Variants in KCNQ1 observed in about 807,000 individuals in gnomAD.
KCNQ1 encodes the protein potassium voltage-gated channel subfamily Q member 1, also known as potassium voltage-gated channel subfamily KQT member 1.
KCNQ1 carries 49 observed loss-of-function variants against 72.4 expected under a neutral mutation model. The observed-to-expected ratio is 0.68, with a 90% confidence interval of 0.54 to 0.86. The LOEUF is 0.86. Among genes scored for constraint, KCNQ1 ranks in the 40% least tolerant of loss-of-function variants. KCNQ1 has a pLI of 0.00. For synonymous variants in KCNQ1, 450 were observed against 412.6 expected, an observed-to-expected ratio of 1.09 and a Z score of -1.10; for missense variants, 790 against 945.1, an observed-to-expected ratio of 0.84 and a Z score of 2.15.
chr11:2,499,851 A>G (rs866648229), intron 1 of KCNQ1, among the ~76,000 whole-genome samples: 1 of 152,202 alleles, frequency 6.6e-6, no homozygotes, highest in Non-Finnish European at 1.5e-5. Context: ...TCATCCAGCA[A>G]TTCCAAGAGA....
At chr11:2,721,313 G>A (rs1851198810) in intron 11 of KCNQ1, among the ~76,000 whole-genome samples, 1 of 152,202 alleles carries the variant, frequency 6.6e-6, no homozygotes. Flanking sequence ...GTCTGCTCGT[G>A]AGGGACCCCC....
Position 2,787,471 on chromosome 11 carries a change from C to T in KCNQ1, c.1794+9434C>T, listed in dbSNP as rs1272720771. 6.6e-6 allele frequency among the ~76,000 whole-genome samples: 1 copy of T among 152,184 alleles called. No individual in the cohort carries two copies. The highest frequency in any genetic ancestry group is 6.5e-5 in the Admixed American group (1 of 15,286). On this transcript the variant is annotated intron_variant, in intron 15 of 15. Coordinates refer to ENST00000155840, the MANE Select transcript of KCNQ1 (RefSeq NM_000218.3). The surrounding 1 kb of genome is among the most constrained non-coding windows in gnomAD (Gnocchi z 6.3). ...GGTTCCACTTTCACTGAGTTTTCAG[C>T]CTCTAACCTCCCTTACTTCCTGGTC...
In KCNQ1 at chr11:2,547,752, G is replaced by A. The variant is rs527297046; in HGVS notation, c.477+19734G>A. Among the ~76,000 whole-genome samples the A allele has an allele frequency of 1.3e-5, 2 of 152,268 alleles. No individual in the cohort carries two copies. The highest frequency in any genetic ancestry group is 3.9e-4 in the East Asian group (2 of 5,188). The stretch of plus-strand genomic sequence containing the variant: ...TGGGTGGACTACTGACTACTTCGCG[G>A]GTAAGAAATGGTGAGTGGCATGGAA... On this transcript the variant is annotated intron_variant, in intron 2 of 15. Coordinates refer to ENST00000155840, the MANE Select transcript of KCNQ1 (RefSeq NM_000218.3). This position sits in a 1 kb window ranked among gnomAD's most constrained non-coding sequence, Gnocchi z 4.2.
At chr11:2,797,120 C>T (rs1399401247) in intron 15 of KCNQ1, among the ~76,000 whole-genome samples, 1 of 152,194 alleles carries the variant, frequency 6.6e-6, no homozygotes, top group South Asian at 2.1e-4. Flanking sequence ...TTTACGAGGA[C>T]TCGGCCCAGA....
At position 2,494,042 on chromosome 11, in the gene KCNQ1, C is replaced by T. The variant is rs1273444383; in HGVS notation, c.387-33886C>T. The stretch of plus-strand genomic sequence containing the variant: ...TTTCCTTCAGCAGTGGTTTGTTGTT[C>T]TCCTTGAAGAGGTCCTTCACATCCC... On this transcript the variant is annotated intron_variant, in intron 1 of 15. Transcript: ENST00000155840. This position sits in a 1 kb window ranked among gnomAD's most constrained non-coding sequence, Gnocchi z 4.6. 5.3e-5 allele frequency among the ~76,000 whole-genome samples: 8 copies of T among 151,962 alleles called. No homozygotes were observed. The highest frequency in any genetic ancestry group is 2.1e-4 in the South Asian group (1 of 4,822).
intron 15 of KCNQ1, among the ~76,000 whole-genome samples, chr11:2,839,093 G>GGAAGCTCC (rs1356957300): frequency 1.3e-5 from 2 of 152,140 alleles, no homozygotes; most frequent in Admixed American, 1.3e-4. Flanking sequence ...TCTGCCGGCA[G>GGAAGCTCC]GAAGCTCCTG....
rs190517800 is a variant in KCNQ1, at chr11:2,734,032, C to T, written c.1515-34812C>T. Among the ~76,000 whole-genome samples, 2 of 152,168 alleles carry T rather than the reference C, an allele frequency of 1.3e-5. No homozygotes were observed. Among genetic ancestry groups the T allele is most frequent in the East Asian group, 1.9e-4 (1 of 5,154 alleles). On this transcript the variant is annotated intron_variant, in intron 11 of 15. Transcript: ENST00000155840. The surrounding 1 kb of genome is among the most constrained non-coding windows in gnomAD (Gnocchi z 7.0). Reference sequence around the variant, plus strand: ...GCAGTTGCGCGCTCTAAATCAGGACCACCTTGCGGTTCTCCCAGCCCCAGC... The same window carrying T: ...GCAGTTGCGCGCTCTAAATCAGGACTACCTTGCGGTTCTCCCAGCCCCAGC...
intron 14 of KCNQ1, chr11:2,777,772 G>T (rs990612601): frequency 1.6e-6 from 1 of 635,276 alleles, no homozygotes; most frequent in Non-Finnish European, 2.8e-6. Context: ...ATGGAGCCCA[G>T]GTCCCCAGCT....
rs57811566 is a variant in KCNQ1 at position 2,531,431 on chromosome 11, G to T, written c.477+3413G>T. Among the ~76,000 whole-genome samples, 222 of 152,214 alleles carry T rather than the reference G, an allele frequency of 1.5e-3. 2 individuals are homozygous for T. Among genetic ancestry groups the T allele is most frequent in the African/African-American group, 5.1e-3 (211 of 41,534 alleles). ...CAGACCAGGTAGGGTTGCTCCCTAG[G>T]ATGCAGCCCTGCCCAGGCAGGAGGG... On this transcript the variant is annotated intron_variant, in intron 2 of 15. Transcript: ENST00000155840.
chr11:2,833,745 C>A (rs2134071843), intron 15 of KCNQ1, among the ~76,000 whole-genome samples: 1 of 152,380 alleles, frequency 6.6e-6, no homozygotes, highest in East Asian at 1.9e-4. Flanking sequence ...GCAGCAGGAA[C>A]TGGGGCAAGT....
chr11:2,846,368 T>A (rs1041441848), intron 15 of KCNQ1, among the ~76,000 whole-genome samples: 5 of 152,180 alleles, frequency 3.3e-5, no homozygotes, highest in African/African-American at 7.2e-5. Flanking sequence ...CCACCACTTC[T>A]AGGTCTTTCC....
At position 2,724,464 on chromosome 11, in the gene KCNQ1, G is replaced by C. The variant is rs996032830; in HGVS notation, c.1515-44380G>C. Among the ~76,000 whole-genome samples the C allele has an allele frequency of 2.6e-5, 4 of 152,192 alleles. No individual in the cohort carries two copies. Among genetic ancestry groups the C allele is most frequent in the Non-Finnish European group, 5.9e-5 (4 of 68,020 alleles). The stretch of plus-strand genomic sequence containing the variant: ...GCTAACACTGCCCTTGGAGGAAGGA[G>C]GGTGGGAGGGCAAAGAGAGAGAAGT... On this transcript the variant is annotated intron_variant, in intron 11 of 15. Transcript: ENST00000155840. The surrounding 1 kb of genome is among the most constrained non-coding windows in gnomAD (Gnocchi z 6.8).
At chr11:2,770,884 G>C (rs1275830906) in intron 12 of KCNQ1, among the ~76,000 whole-genome samples, 1 of 152,256 alleles carries the variant, frequency 6.6e-6, no homozygotes, top group Non-Finnish European at 1.5e-5. Context: ...CAGGGAAGGG[G>C]CTGCGTGAAC....
chr11:2,758,720 A>G (rs1369706062), intron 11 of KCNQ1, among the ~76,000 whole-genome samples: 1 of 152,254 alleles, frequency 6.6e-6, no homozygotes, highest in Non-Finnish European at 1.5e-5. Flanking sequence ...ACTACCCAGC[A>G]GTAGAAAGGA....
intron 1 of KCNQ1, among the ~76,000 whole-genome samples, chr11:2,496,949 T>C (rs111511735): frequency 1.3e-5 from 2 of 152,286 alleles, no homozygotes; most frequent in African/African-American, 4.8e-5. Flanking sequence ...GGATATGAAA[T>C]TCTGCTTGAA....
At chr11:2,802,832 A>C (rs1452148746) in intron 15 of KCNQ1, among the ~76,000 whole-genome samples, 1 of 152,158 alleles carries the variant, frequency 6.6e-6, no homozygotes, top group Non-Finnish European at 1.5e-5. Context: ...CTGAGTGGCC[A>C]CCCACCCTTG....
intron 10 of KCNQ1, chr11:2,660,557 G>A (rs936390154): frequency 5.5e-5 from 22 of 398,588 alleles, no homozygotes; most frequent in East Asian, 2.5e-4. Flanking sequence ...ATAAGCAAAA[G>A]TGAGCAAAGG....
chr11:2,452,872 T>C lies in KCNQ1; in HGVS notation c.386+7388T>C, dbSNP rs191347911. Among the ~76,000 whole-genome samples, 5 of 152,246 alleles carry C rather than the reference T, an allele frequency of 3.3e-5. No individual in the cohort carries two copies. In the East Asian group the frequency reaches 9.7e-4, roughly 29 times the overall value. On this transcript the variant is annotated intron_variant, in intron 1 of 15. Coordinates refer to ENST00000155840, the MANE Select transcript of KCNQ1 (RefSeq NM_000218.3). ...AACAGATGGGCGGCTTCATGCGTGC[T>C]GCGGGGTGGGTGGGTGGCCATGTGG...
Position 2,652,701 on chromosome 11 carries a change from C to T in KCNQ1, c.1394-9260C>T. On this transcript the variant is annotated intron_variant, in intron 10 of 15. Transcript: ENST00000155840. The surrounding 1 kb of genome is among the most constrained non-coding windows in gnomAD (Gnocchi z 5.9). ...GTTGTGTGGGTGGCTGTGTTGCTCT[C>T]TTTCCGTTTCCTGGGCTCACTCACG... 1 of 398,924 alleles carries T rather than the reference C, an allele frequency of 2.5e-6. No homozygotes were observed. Among genetic ancestry groups the T allele is most frequent in the East Asian group, 3.6e-5 (1 of 28,078 alleles). The allele number at this position is 398,924 out of a possible 1,614,324, so 24.7% of individuals were successfully genotyped here.
Sources: gnomAD v4.1 joint callset for allele counts (sites outside exome capture counted in the v4.1 genomes callset) on GRCh38, gnomAD v4.1.1 for gene constraint, Gnocchi (gnomAD v3.1) non-coding constraint, MANE v1.5 for transcripts, NCBI Gene and HGNC (gene_info 2026-07-23, HGNC 2026-07-21) for gene names.